NCKAP5: variants seen among roughly 807,000 people sequenced by gnomAD.
NCKAP5 encodes the protein NCK associated protein 5.
A neutral mutation model predicts 167.0 loss-of-function variants in NCKAP5; 92 were observed. The ratio of observed to expected loss-of-function variants is 0.55; its 90% CI spans 0.47 to 0.66. The LOEUF (loss-of-function observed/expected upper bound fraction) is 0.66, where lower values mean the gene tolerates loss of function less well. Among genes scored for constraint, NCKAP5 ranks in the 30% least tolerant of loss-of-function variants. The pLI is 0.00. For missense variants in NCKAP5, 2,378 were observed against 2,315.0 expected (o/e 1.03, Z -0.56); for synonymous variants, 891 against 877.4 (o/e 1.02, Z -0.27).
rs187556006 is a variant in NCKAP5, at chr2:132,734,214, A to C, written c.5129-2163T>G. On this transcript the variant is annotated intron_variant, in intron 16 of 19. Transcript: ENST00000409261. ...ATTGTTATAGAATGGTGTTTTTGAG[A>C]AAGGATCATCTGTTTGCATGGGGAG... Among the ~76,000 whole-genome samples, 59 of 152,308 alleles carry C rather than the reference A, an allele frequency of 3.9e-4. 1 individual carries two copies. Among genetic ancestry groups the C allele is most frequent in the Admixed American group, 3.5e-3 (53 of 15,306 alleles).
At chr2:132,767,630 G>A (rs1257968314) in intron 16 of NCKAP5, among the ~76,000 whole-genome samples, 1 of 152,152 alleles carries the variant, frequency 6.6e-6, no homozygotes. Flanking sequence ...TGTATAATCC[G>A]TAACTACACA....
intron 2 of NCKAP5, among the ~76,000 whole-genome samples, chr2:133,543,211 TCTCTCTCTTGTTCA>T (rs1686371504): frequency 6.6e-6 from 1 of 152,098 alleles, no homozygotes; most frequent in South Asian, 2.1e-4. Flanking sequence ...GCCTCCTCCC[TCTCTCTCTTGTTCA>T]CTCTCTCGCC....
chr2:132,677,110 C>T (rs1258376401), intron 19 of NCKAP5, among the ~76,000 whole-genome samples: 2 of 152,030 alleles, frequency 1.3e-5, no homozygotes, highest in Non-Finnish European at 2.9e-5. Context: ...TAAAACATCG[C>T]CAATTCCTTC....
At chr2:133,360,167 T>G (rs9808351) in intron 3 of NCKAP5, among the ~76,000 whole-genome samples, 13 of 152,176 alleles carry the variant, frequency 8.5e-5, no homozygotes, top group Non-Finnish European at 1.6e-4. Context: ...TCATGATTGA[T>G]TTTTAGAGAG....
At chr2:132,951,549 T>A (rs2076187772) in intron 8 of NCKAP5, among the ~76,000 whole-genome samples, 1 of 152,184 alleles carries the variant, frequency 6.6e-6, no homozygotes, top group Non-Finnish European at 1.5e-5. Flanking sequence ...CCCTTTGTAG[T>A]GAGGCTCTAG....
chr2:133,444,395 GATAGATAGATAGATAT>G (rs1234427508), intron 3 of NCKAP5, among the ~76,000 whole-genome samples: 16 of 148,640 alleles, frequency 1.1e-4, no homozygotes, highest in Non-Finnish European at 2.4e-4. Context: ...TAGATAGATA[GATAGATAGATAGATAT>G]AGATATAGAT....
At chr2:133,433,379 G>T (rs543218689) in intron 3 of NCKAP5, 1 of 152,272 alleles carries the variant, frequency 6.6e-6, no homozygotes, top group African/African-American at 2.4e-5. Flanking sequence ...TATTCCTCAA[G>T]AGAATGACAG....
intron 2 of NCKAP5, among the ~76,000 whole-genome samples, chr2:133,547,439 A>G (rs1289419805): frequency 4.6e-5 from 7 of 152,038 alleles, no homozygotes; most frequent in Non-Finnish European, 7.4e-5. Context: ...ACAGACAAAC[A>G]AAAAGACAGC....
intron 19 of NCKAP5, among the ~76,000 whole-genome samples, chr2:132,719,265 A>T (rs1027729434): frequency 6.6e-6 from 1 of 152,206 alleles, no homozygotes; most frequent in East Asian, 1.9e-4. Context: ...TTAAAAAAAA[A>T]ATTTTAAGTA....
rs182700627 is a variant in NCKAP5 at position 133,384,016 on chromosome 2, C to A, written c.70-80906G>T. Among the ~76,000 whole-genome samples the A allele has an allele frequency of 2.6e-5, 4 of 152,260 alleles. No individual in the cohort carries two copies. In the East Asian group the frequency reaches 7.7e-4, roughly 29 times the overall value. ...CCCCATTCTGTAGGTTGCCTGTTCA[C>A]TCTGATGGTAGTTTCTTTTGCTGTG... On this transcript the variant is annotated intron_variant, in intron 3 of 19. Transcript: ENST00000409261.
chr2:133,609,582 G>A, the NCKAP5 span, among the ~76,000 whole-genome samples: 1 of 152,098 alleles, frequency 6.6e-6, no homozygotes, highest in South Asian at 2.1e-4. Flanking sequence ...TTATCTAGGG[G>A]CCATAAGTGG....
chr2:133,033,641 A>C (rs1278057939), intron 6 of NCKAP5, among the ~76,000 whole-genome samples: 1 of 152,198 alleles, frequency 6.6e-6, no homozygotes, highest in African/African-American at 2.4e-5. Flanking sequence ...TCAGAATTCT[A>C]TCAGATAAAT....
At chr2:133,629,745 T>C in the NCKAP5 span, among the ~76,000 whole-genome samples, 1 of 152,010 alleles carries the variant, frequency 6.6e-6, no homozygotes, top group Non-Finnish European at 1.5e-5. Flanking sequence ...CCATAAATGA[T>C]AGAATGGATA....
At chr2:133,384,084 A>T (rs889749489) in intron 3 of NCKAP5, among the ~76,000 whole-genome samples, 12 of 151,258 alleles carry the variant, frequency 7.9e-5, no homozygotes, top group South Asian at 2.1e-4. Context: ...GTCAATTTTG[A>T]CTTTTGTTGC....
chr2:133,448,970 G>A (rs1364382605), intron 3 of NCKAP5, among the ~76,000 whole-genome samples: 1 of 152,222 alleles, frequency 6.6e-6, no homozygotes, highest in African/African-American at 2.4e-5. Context: ...TGTTTACACA[G>A]ACATATGCAC....
intron 16 of NCKAP5, among the ~76,000 whole-genome samples, chr2:132,759,958 G>T (rs2104849009): frequency 6.6e-6 from 1 of 150,472 alleles, no homozygotes; most frequent in Middle Eastern, 3.5e-3. Context: ...CTACTAGATG[G>T]GAAATTTTAT....
At chr2:133,439,907 A>T (rs1286174943) in intron 3 of NCKAP5, among the ~76,000 whole-genome samples, 1 of 152,242 alleles carries the variant, frequency 6.6e-6, no homozygotes, top group Non-Finnish European at 1.5e-5. Context: ...AGATTTTAAT[A>T]CTGGGACTGT....
chr2:133,089,606 C>T (rs57877229), intron 6 of NCKAP5, among the ~76,000 whole-genome samples: 13,432 of 152,216 alleles, frequency 0.088, 880 homozygotes, highest in African/African-American at 0.18. Flanking sequence ...AAAAGAGATG[C>T]ATTCTAGGAA....
chr2:133,147,956 G>A (rs1233142693), intron 5 of NCKAP5, among the ~76,000 whole-genome samples: 1 of 152,102 alleles, frequency 6.6e-6, no homozygotes, highest in Non-Finnish European at 1.5e-5. Flanking sequence ...AATGGATGCA[G>A]TTAGATCTTG....
Sources: gnomAD v4.1 joint callset for allele counts (sites outside exome capture counted in the v4.1 genomes callset) on GRCh38, gnomAD v4.1.1 for gene constraint, MANE v1.5 for transcripts, NCBI Gene and HGNC (gene_info 2026-07-23, HGNC 2026-07-21) for gene names.